ITGB3BP: variants seen among roughly 807,000 people sequenced by gnomAD.
ITGB3BP encodes the protein integrin subunit beta 3 binding protein.
ITGB3BP carries 27 observed loss-of-function variants against 29.1 expected under a neutral mutation model. The ratio of observed to expected loss-of-function variants is 0.93; its 90% confidence interval spans 0.68 to 1.28. The LOEUF (loss-of-function observed/expected upper bound fraction) is 1.28, where lower values mean the gene tolerates loss of function less well. Ranked by LOEUF, ITGB3BP falls within the 50% of genes most tolerant of loss-of-function variation. ITGB3BP has a pLI of 0.00. For missense variants in ITGB3BP, 192 were observed against 200.2 expected (o/e 0.96, Z 0.25); for synonymous variants, 61 against 61.4 (o/e 0.99, Z 0.03).
chr1:63,458,120 A>G (rs530233268), intron 4 of ITGB3BP: 1 of 152,286 alleles, frequency 6.6e-6, no homozygotes, highest in Non-Finnish European at 1.5e-5. Context: ...AATTAGGTGC[A>G]TCAGCCAAAT....
chr1:63,526,244 T>G (rs1325566205), upstream of ITGB3BP, among the ~76,000 whole-genome samples: 1 of 152,150 alleles, frequency 6.6e-6, no homozygotes, highest in African/African-American at 2.4e-5. Context: ...TGTCTTTTAT[T>G]GCTTCTGTCC....
chr1:63,475,997 CAA>C (rs71052481), intron 4 of ITGB3BP, among the ~76,000 whole-genome samples: 1,579 of 104,350 alleles, frequency 0.015, 23 homozygotes, highest in African/African-American at 0.053. Flanking sequence ...GACACTGTCT[CAA>C]AAAAAAAAAA....
intron 4 of ITGB3BP, among the ~76,000 whole-genome samples, chr1:63,478,227 A>T (rs1227029143): frequency 6.6e-6 from 1 of 152,236 alleles, no homozygotes; most frequent in Non-Finnish European, 1.5e-5. Flanking sequence ...CAAATGTGTA[A>T]TACACAGACA....
intron 4 of ITGB3BP, among the ~76,000 whole-genome samples, chr1:63,474,629 G>A (rs1470419369): frequency 1.2e-4 from 19 of 152,046 alleles, no homozygotes; most frequent in African/African-American, 4.1e-4. Flanking sequence ...CATGTGCTGT[G>A]TCCACTCAGG....
chr1:63,520,178 T>G (rs1053562095), intron 1 of ITGB3BP, among the ~76,000 whole-genome samples: 2 of 152,060 alleles, frequency 1.3e-5, no homozygotes, highest in African/African-American at 4.8e-5. Flanking sequence ...TGTATCTGTC[T>G]ACATAGAATG....
At chr1:63,472,908 A>G (rs1645233513) in intron 4 of ITGB3BP, among the ~76,000 whole-genome samples, 1 of 151,638 alleles carries the variant, frequency 6.6e-6, no homozygotes. Flanking sequence ...CCGTCTGGGA[A>G]GTGAGGAGCG....
intron 4 of ITGB3BP, among the ~76,000 whole-genome samples, chr1:63,472,452 C>CT (rs1645217069): frequency 2.1e-5 from 3 of 144,048 alleles, no homozygotes; most frequent in Admixed American, 2.1e-4. Context: ...CTCCCTCTCC[C>CT]CTCTCCCCTC....
At chr1:63,472,100 G>C (rs1050403367) in intron 4 of ITGB3BP, among the ~76,000 whole-genome samples, 2 of 151,052 alleles carry the variant, frequency 1.3e-5, no homozygotes, top group African/African-American at 4.9e-5. Flanking sequence ...TTTCAGAAGA[G>C]GCTGTCCTGA....
At chr1:63,445,627 G>T (rs1040345330) in intron 8 of ITGB3BP, among the ~76,000 whole-genome samples, 3 of 138,464 alleles carry the variant, frequency 2.2e-5, no homozygotes, top group Non-Finnish European at 4.5e-5. Context: ...TGGAGACAGG[G>T]TCTCGCTCTG....
At chr1:63,502,456 T>TA (rs1645955292) in intron 2 of ITGB3BP, among the ~76,000 whole-genome samples, 1 of 151,562 alleles carries the variant, frequency 6.6e-6, no homozygotes, top group South Asian at 2.1e-4. Context: ...TAATTGCACT[T>TA]ACAGTTCCAC....
chr1:63,501,724 T>C (rs1301247578), intron 2 of ITGB3BP, among the ~76,000 whole-genome samples: 2 of 151,916 alleles, frequency 1.3e-5, no homozygotes, highest in African/African-American at 4.8e-5. Flanking sequence ...TAGCTGGGCA[T>C]AGAGGCCTGT....
chr1:63,441,548 T>C (rs1381974669), intron 8 of ITGB3BP, among the ~76,000 whole-genome samples: 1 of 152,054 alleles, frequency 6.6e-6, no homozygotes, highest in Non-Finnish European at 1.5e-5. Flanking sequence ...ATTTGCTTTT[T>C]GATTATCTTC....
intron 7 of ITGB3BP, among the ~76,000 whole-genome samples, chr1:63,450,084 A>C (rs1206477761): frequency 6.6e-6 from 1 of 151,948 alleles, no homozygotes; most frequent in Admixed American, 6.6e-5. Context: ...AAAATCTATA[A>C]CCAAGACGAA....
intron 7 of ITGB3BP, 170 bp from the exon 8 acceptor site, chr1:63,447,026 G>A (rs980014294): frequency 5.2e-6 from 3 of 579,208 alleles, no homozygotes; most frequent in Non-Finnish European, 9.3e-6. Context: ...ACATGCTATA[G>A]TTAGCCTGAT....
chr1:63,514,278 T>C (rs1646262598), intron 1 of ITGB3BP, among the ~76,000 whole-genome samples: 1 of 152,182 alleles, frequency 6.6e-6, no homozygotes, highest in Non-Finnish European at 1.5e-5. Context: ...GGACACTTGG[T>C]TTTAGTTTTT....
chr1:63,447,592 A>T, intron 7 of ITGB3BP: 1 of 499,674 alleles, frequency 2.0e-6, no homozygotes, highest in Admixed American at 2.1e-5. Context: ...AGCTTCACAG[A>T]GGTTGTGACA....
At chr1:63,492,945 C>A (rs950075937) in intron 2 of ITGB3BP, among the ~76,000 whole-genome samples, 3 of 151,096 alleles carry the variant, frequency 2.0e-5, no homozygotes, top group African/African-American at 7.3e-5. Flanking sequence ...CCCGTCTCCA[C>A]AAAAAGTACC....
At chr1:63,502,887 A>C (rs1015103109) in intron 2 of ITGB3BP, among the ~76,000 whole-genome samples, 2 of 152,020 alleles carry the variant, frequency 1.3e-5, no homozygotes, top group African/African-American at 2.4e-5. Flanking sequence ...TGCATATGTG[A>C]CACATTTTCT....
At chr1:63,511,220 T>A (rs2100786447) in intron 1 of ITGB3BP, among the ~76,000 whole-genome samples, 1 of 152,154 alleles carries the variant, frequency 6.6e-6, no homozygotes, top group South Asian at 2.1e-4. Context: ...AGAACCACAA[T>A]GAAATATTAC....
Sources: gnomAD v4.1 joint callset for allele counts (sites outside exome capture counted in the v4.1 genomes callset) on GRCh38, gnomAD v4.1.1 for gene constraint, MANE v1.5 for transcripts, NCBI Gene and HGNC (gene_info 2026-07-23, HGNC 2026-07-21) for gene names.